PXK: variants seen among roughly 807,000 people sequenced by gnomAD.
The protein encoded by PXK is PX domain-containing protein kinase-like protein.
In PXK, 35 loss-of-function variants were observed where a neutral mutation model predicts 84.7. The observed-to-expected ratio is 0.41, with a 90% CI of 0.32 to 0.55. The LOEUF (loss-of-function observed/expected upper bound fraction) is 0.55, where lower values mean the gene tolerates loss of function less well. Ranked by LOEUF, PXK falls within the 20% of genes least tolerant of loss-of-function variation. The pLI, the probability that PXK is intolerant of heterozygous loss-of-function variation, is 0.21. For missense variants in PXK, 634 were observed against 699.7 expected (o/e 0.91, Z 1.06); for synonymous variants, 253 against 260.8 (o/e 0.97, Z 0.29).
Position 58,365,913 on chromosome 3 carries a change from A to C in PXK, c.142A>C (p.Asn48His). 6.3e-7 allele frequency: 1 copy of C among 1,581,216 alleles called. No individual in the cohort carries two copies. The highest frequency in any genetic ancestry group is 8.6e-7 in the Non-Finnish European group (1 of 1,168,580). Residue 48 changes from asparagine to histidine, a missense_variant, in exon 2 of 18, where the codon AAC (asparagine) becomes CAC (histidine). Asn to His is a moderately conservative substitution (Grantham distance 68). Coordinates refer to ENST00000356151, the MANE Select transcript of PXK (RefSeq NM_017771.5). ...AGTGCAAAGAGGAATTTCTGTGGAA[A>C]ACAGCTGGCAGGTAAGCATCTTTTT... The part of the protein sequence containing the change: ...IRVQRGISVE[N>H]SWQIVRRYSD...
intron 1 of PXK, among the ~76,000 whole-genome samples, chr3:58,345,290 C>G (rs2097795361): frequency 6.6e-6 from 1 of 152,142 alleles, no homozygotes; most frequent in Non-Finnish European, 1.5e-5. Flanking sequence ...TCAGCCTTTT[C>G]TAACTTGCAA....
intron 17 of PXK, among the ~76,000 whole-genome samples, chr3:58,419,940 TAGGGAGGGGCTCACAGGGCCTC>T (rs1288706553): frequency 6.6e-6 from 1 of 152,224 alleles, no homozygotes; most frequent in Non-Finnish European, 1.5e-5. Context: ...ATTCAGCCTC[TAGGGAGGGGCTCACAGGGCCTC>T]AGGGAGGGGC....
chr3:58,413,291 GC>G (rs60110780), intron 17 of PXK: 93,271 of 320,574 alleles, frequency 0.29, 16,194 homozygotes, highest in Middle Eastern at 0.39. Context: ...ACACAAATGC[GC>G]CGTGGCCCAG....
At position 58,399,297 on chromosome 3, in the gene PXK, A is replaced by G. The variant is rs2058203788; in HGVS notation, c.1103-2A>G. ...CTAAAATGTGTATCTGTTCATTTCAAGTGGCCGTGTTGGAGTCTACGCTGT... is the reference window on the plus strand; with the variant it reads ...CTAAAATGTGTATCTGTTCATTTCAGGTGGCCGTGTTGGAGTCTACGCTGT... On this transcript the variant is annotated splice_acceptor_variant, in intron 11 of 17. Transcript: ENST00000356151. LOFTEE classifies it high-confidence loss of function. The surrounding 1 kb of genome is among the most constrained non-coding windows in gnomAD (Gnocchi z 4.3). 6.2e-7 allele frequency: 1 copy of G among 1,613,974 alleles called. No individual in the cohort carries two copies.
At chr3:58,366,392 T>C (rs554146552) in intron 2 of PXK, among the ~76,000 whole-genome samples, 20 of 152,276 alleles carry the variant, frequency 1.3e-4, no homozygotes, top group African/African-American at 4.8e-4. Flanking sequence ...GAGGGTCTTC[T>C]TGGGGCCCCA....
intron 4 of PXK, among the ~76,000 whole-genome samples, chr3:58,384,209 C>T (rs1266270630): frequency 2.0e-5 from 3 of 152,194 alleles, no homozygotes; most frequent in African/African-American, 4.8e-5. Flanking sequence ...TCACTGGGAG[C>T]TTGTTGAAGG....
intron 4 of PXK, among the ~76,000 whole-genome samples, chr3:58,384,567 C>T (rs1015463283): frequency 3.3e-5 from 5 of 152,128 alleles, no homozygotes; most frequent in African/African-American, 1.2e-4. Flanking sequence ...GTCAAAGTAG[C>T]ATCTTTTGTG....
chr3:58,342,001 G>T (rs903453703), intron 1 of PXK, among the ~76,000 whole-genome samples: 1 of 151,980 alleles, frequency 6.6e-6, no homozygotes, highest in Non-Finnish European at 1.5e-5. Flanking sequence ...AACGCGCCTG[G>T]CCAGAAACTT....
rs2060973362 is a variant in PXK, at chr3:58,416,451, CCAG to C, written c.1528+3491_1528+3493del. 6.6e-6 allele frequency among the ~76,000 whole-genome samples: 1 copy of C among 152,120 alleles called. No homozygotes were observed. Among genetic ancestry groups the C allele is most frequent in the Non-Finnish European group, 1.5e-5 (1 of 68,034 alleles). The stretch of plus-strand genomic sequence containing the variant: ...TGGACAAAAAGGGTATGATCTAACC[CCAG>C]CAAGGCCTGTTTGTTCAGATTCTGC... On this transcript the variant is annotated intron_variant, in intron 17 of 17. Transcript: ENST00000356151. The surrounding 1 kb of genome is among the most constrained non-coding windows in gnomAD (Gnocchi z 4.8).
chr3:58,332,902 G>C lies in PXK; in HGVS notation c.-87G>C. The C allele has an allele frequency of 2.4e-6, 2 of 840,560 alleles. No homozygotes were observed. The highest frequency in any genetic ancestry group is 6.9e-5 in the South Asian group (2 of 28,812). 52.1% of individuals were successfully genotyped at this position (840,560 alleles called of 1,614,324 possible). ...CGTGGGGCGGCGCGTGTTGACAGCG[G>C]CGGCGGTGGAACCGGGCGGGCGGCG... On this transcript the variant is annotated 5_prime_UTR_variant, in exon 1 of 18. Transcript: ENST00000356151. The surrounding 1 kb of genome is among the most constrained non-coding windows in gnomAD (Gnocchi z 5.6).
rs1337044793 is a variant in PXK, at chr3:58,344,411, CCT to C, written c.102+11322_102+11323del. Among the ~76,000 whole-genome samples the C allele has an allele frequency of 9.2e-5, 14 of 152,274 alleles. No homozygotes were observed. The East Asian group carries it at 9.6e-4, about 10-fold the overall frequency. Reference sequence around the variant, plus strand: ...TGACACCTCCAAGAGTAGGTTTCCCCCTGTTTTTTCCTTTTTACCCTGGAGTA... The same window carrying C: ...TGACACCTCCAAGAGTAGGTTTCCCCGTTTTTTCCTTTTTACCCTGGAGTA... On this transcript the variant is annotated intron_variant, in intron 1 of 17. Coordinates refer to ENST00000356151, the MANE Select transcript of PXK (RefSeq NM_017771.5).
rs2060424508 is a variant in PXK, at chr3:58,412,957, A to G, written c.1522A>G (p.Thr508Ala). 1 of 1,613,958 alleles carries G rather than the reference A, an allele frequency of 6.2e-7. No individual in the cohort carries two copies. The highest frequency in any genetic ancestry group is 2.2e-5 in the East Asian group (1 of 44,874). ...CCCGTCATCGCCAACTCCACCCTCT[A>G]CATCAGGTTAGTGATGGAGTAAAGT... ...TSPSSPTPPS[T>A]SGISALPPPP... is the part of the protein sequence containing the mutation. Residue 508 changes from threonine to alanine, a missense_variant, in exon 17 of 18, where the codon ACA becomes GCA. Thr to Ala is a moderately conservative substitution (Grantham distance 58, BLOSUM62 0). Transcript: ENST00000356151. The surrounding 1 kb of genome is among the most constrained non-coding windows in gnomAD (Gnocchi z 6.2).
intron 3 of PXK, among the ~76,000 whole-genome samples, chr3:58,378,492 C>CTTTTTT (rs1159247642): frequency 4.1e-5 from 1 of 24,318 alleles, no homozygotes; most frequent in Non-Finnish European, 8.2e-5. Context: ...CATTTTTCTT[C>CTTTTTT]TTTTTTTTTT....
At position 58,421,750 on chromosome 3, in the gene PXK, GAGA is replaced by G. The variant is rs1047822932; in HGVS notation, c.1529-2998_1529-2996del. 21 of 985,312 alleles carry G rather than the reference GAGA, an allele frequency of 2.1e-5. No individual in the cohort carries two copies. The highest frequency in any genetic ancestry group is 6.1e-5 in the Admixed American group (1 of 16,264). The allele number at this position is 985,312 out of a possible 1,614,324, so 61.0% of individuals were successfully genotyped here. A position where few individuals can be genotyped will look rare whatever the true frequency, so the allele number is the denominator to read the frequency against. The stretch of plus-strand genomic sequence containing the variant: ...TGCCAGGTTCCCGTGTGGTTTGGTG[GAGA>G]AGATTTTGGGGTGGGTAGAGTAAGT... On this transcript the variant is annotated intron_variant, in intron 17 of 17. Transcript: ENST00000356151. The surrounding 1 kb of genome is among the most constrained non-coding windows in gnomAD (Gnocchi z 5.5).
intron 1 of PXK, among the ~76,000 whole-genome samples, chr3:58,362,301 T>G (rs187683209): frequency 1.3e-5 from 2 of 152,372 alleles, no homozygotes; most frequent in East Asian, 3.9e-4. Context: ...TTTTCTCTCC[T>G]ATTTTTTTTC....
At chr3:58,369,336 G>C (rs911734870) in intron 2 of PXK, 95 bp from the exon 3 acceptor site, 2 of 944,344 alleles carry the variant, frequency 2.1e-6, no homozygotes, top group African/African-American at 3.3e-5. Context: ...CTGAGCTCTA[G>C]AGTGCCAATA....
intron 3 of PXK, among the ~76,000 whole-genome samples, chr3:58,374,443 GGACTACAGGTGT>G (rs1428653412): frequency 2.0e-5 from 3 of 152,088 alleles, no homozygotes; most frequent in African/African-American, 7.2e-5. Context: ...CAAAATGCTG[GGACTACAGGTGT>G]GAGCCACGGC....
chr3:58,351,395 T>TTTTGTGTGTG lies in PXK; in HGVS notation c.103-14478_103-14477insTTGTGTGTGT, dbSNP rs542281716. 4.0e-4 allele frequency among the ~76,000 whole-genome samples: 56 copies of TTTTGTGTGTG among 140,688 alleles called. 2 individuals carry two copies. Among genetic ancestry groups the TTTTGTGTGTG allele is most frequent in the East Asian group, 1.6e-3 (7 of 4,424 alleles). The allele number at this position is 140,688 out of a possible 152,430, so 92.3% of individuals were successfully genotyped here. A position where few individuals can be genotyped will look rare whatever the true frequency, so the allele number is the denominator to read the frequency against. Reference sequence around the variant, plus strand: ...GGTGTGCGCCACCACAGCTAGCTATTTGTGTGTGTGTGTGTGTGTGTGTGT... The same window carrying TTTTGTGTGTG: ...GGTGTGCGCCACCACAGCTAGCTATTTTTGTGTGTGTGTGTGTGTGTGTGTGTGTGTGTGT... On this transcript the variant is annotated intron_variant, in intron 1 of 17. Coordinates refer to ENST00000356151, the MANE Select transcript of PXK (RefSeq NM_017771.5).
At position 58,408,790 on chromosome 3, in the gene PXK, G is replaced by A. The variant is rs958370009; in HGVS notation, c.1231-134G>A. ...GCCCGCCTTGGCCTCTCAAAGTCCT[G>A]GGATTACAGGCATGAGCCACCGCGC... On this transcript the variant is annotated intron_variant, in intron 13 of 17. Transcript: ENST00000356151. 7.5e-6 allele frequency: 5 copies of A among 665,836 alleles called. No homozygotes were observed. The African/African-American group carries it at 9.3e-5, about 12-fold the overall frequency. The allele number at this position is 665,836 out of a possible 1,614,324, so 41.2% of individuals were successfully genotyped here. A position where few individuals can be genotyped will look rare whatever the true frequency, so the allele number is the denominator to read the frequency against.
Sources: allele counts gnomAD v4.1 joint callset (sites outside exome capture counted in the v4.1 genomes callset), GRCh38; gene constraint gnomAD v4.1.1; non-coding constraint Gnocchi (gnomAD v3.1); transcripts MANE v1.5; gene names NCBI Gene and HGNC (gene_info 2026-07-23, HGNC 2026-07-21).